The following CHRM5 variants were observed in gnomAD, a reference collection of about 807,000 sequenced individuals.
The protein encoded by CHRM5 is muscarinic acetylcholine receptor M5.
Under a neutral mutation model 39.0 loss-of-function variants are expected in CHRM5, and 18 were observed. The ratio of observed to expected loss-of-function variants is 0.46; its 90% CI spans 0.32 to 0.68. The LOEUF (loss-of-function observed/expected upper bound fraction) is 0.68. Among genes scored for constraint, CHRM5 ranks in the 30% least tolerant of loss-of-function variants. The pLI is 0.04. For synonymous variants in CHRM5, 241 were observed against 246.3 expected, an observed-to-expected ratio of 0.98 and a Z score of 0.20; for missense variants, 515 against 651.1, an observed-to-expected ratio of 0.79 and a Z score of 2.28.
chr15:34,033,604 G>A (rs904762254), intron 1 of CHRM5, among the ~76,000 whole-genome samples: 11 of 152,068 alleles, frequency 7.2e-5, no homozygotes, highest in African/African-American at 2.2e-4. Context: ...AGCCTGTAGA[G>A]TTATATAACA....
intron 1 of CHRM5, among the ~76,000 whole-genome samples, chr15:34,020,441 T>G (rs1898155060): frequency 6.6e-6 from 1 of 152,282 alleles, no homozygotes; most frequent in South Asian, 2.1e-4. Flanking sequence ...GAAATTTGGT[T>G]GAAACAATAC....
intron 1 of CHRM5, among the ~76,000 whole-genome samples, chr15:34,038,580 G>A (rs1197806452): frequency 3.3e-5 from 5 of 150,902 alleles, no homozygotes; most frequent in African/African-American, 1.2e-4. Context: ...AGGAGGCCAC[G>A]AGGGCCAAGC....
intron 1 of CHRM5, among the ~76,000 whole-genome samples, chr15:34,042,894 T>C (rs1277612050): frequency 6.6e-6 from 1 of 152,134 alleles, no homozygotes; most frequent in South Asian, 2.1e-4. Context: ...CCTCAACTAC[T>C]GTGTCAAGGT....
Position 33,994,623 on chromosome 15 carries a change from T to A in CHRM5, c.-408+25473T>A, listed in dbSNP as rs1029671605. ...GGGTGAAAGTGCTAGATCTTCAGTT[T>A]TATCAGAAAATGGCAAACTATCTTC... is the stretch of plus-strand genomic sequence containing the variant. On this transcript the variant is annotated intron_variant, in intron 1 of 2. Coordinates refer to ENST00000383263, the MANE Select transcript of CHRM5 (RefSeq NM_012125.4). Among the ~76,000 whole-genome samples, 6 of 152,198 alleles carry A rather than the reference T, an allele frequency of 3.9e-5. No individual in the cohort carries two copies. In the South Asian group the frequency reaches 8.3e-4, roughly 21 times the overall value.
chr15:34,032,927 T>C (rs1228827788), intron 1 of CHRM5, among the ~76,000 whole-genome samples: 1 of 152,224 alleles, frequency 6.6e-6, no homozygotes, highest in Non-Finnish European at 1.5e-5. Context: ...CCTAATACAG[T>C]CATCACTTGA....
At chr15:33,979,056 G>C (rs974780943) in intron 1 of CHRM5, among the ~76,000 whole-genome samples, 1 of 152,124 alleles carries the variant, frequency 6.6e-6, no homozygotes, top group Admixed American at 6.5e-5. Context: ...TGACATACTT[G>C]AGAATATTCC....
At chr15:33,990,070 G>C (rs192667777) in intron 1 of CHRM5, among the ~76,000 whole-genome samples, 6 of 152,064 alleles carry the variant, frequency 3.9e-5, no homozygotes, top group African/African-American at 4.8e-5. Flanking sequence ...CGGGCGTGGT[G>C]GTGGGCGCCT....
At position 34,065,581 on chromosome 15, in the gene CHRM5, G is replaced by A. The variant is rs910482293; in HGVS notation, c.*1265G>A. 4 of 152,160 alleles carry A rather than the reference G, an allele frequency of 2.6e-5. No homozygotes were observed. The highest frequency in any genetic ancestry group is 9.7e-5 in the African/African-American group (4 of 41,436). The allele number at this position is 152,160 out of a possible 1,614,324, so 9.4% of individuals were successfully genotyped here. On this transcript the variant is annotated 3_prime_UTR_variant, in exon 3 of 3. Coordinates refer to ENST00000383263, the MANE Select transcript of CHRM5 (RefSeq NM_012125.4). ...GCCAGAAAAGCACACTTGAGGGTGC[G>A]ATGAAGCTGAAAATGATCTGAAAGC...
intron 1 of CHRM5, among the ~76,000 whole-genome samples, chr15:34,032,192 A>G (rs527474397): frequency 4.5e-4 from 68 of 152,344 alleles, no homozygotes; most frequent in South Asian, 4.3e-3. Flanking sequence ...AGAAATAGTG[A>G]CATCTGAATA....
chr15:34,032,023 GCACA>G (rs10643932), intron 1 of CHRM5, among the ~76,000 whole-genome samples: 1 of 148,944 alleles, frequency 6.7e-6, no homozygotes, highest in African/African-American at 2.5e-5. Context: ...GCGCGCACAC[GCACA>G]CACACACACA....
chr15:33,974,631 C>G (rs1895796815), intron 1 of CHRM5, among the ~76,000 whole-genome samples: 1 of 152,134 alleles, frequency 6.6e-6, no homozygotes. Flanking sequence ...TGCATGTGTA[C>G]GTCCTCACAG....
intron 1 of CHRM5, among the ~76,000 whole-genome samples, chr15:34,021,664 G>C (rs1274332722): frequency 6.6e-6 from 1 of 152,050 alleles, no homozygotes; most frequent in Non-Finnish European, 1.5e-5. Flanking sequence ...AGACCAGCCT[G>C]GCTAAAATGG....
At position 34,064,190 on chromosome 15, in the gene CHRM5, C is replaced by A; in HGVS notation, c.1473C>A (p.Asn491Lys). ...YWLCYVNSTV[N>K]PICYALCNRT... ...TGTGCTATGTCAATAGCACTGTCAACCCCATCTGCTATGCCCTCTGCAACA... is the reference window on the plus strand; with the variant it reads ...TGTGCTATGTCAATAGCACTGTCAAACCCATCTGCTATGCCCTCTGCAACA... Residue 491 changes from asparagine to lysine, a missense_variant, in exon 3 of 3, where the codon AAC becomes AAA. Transcript: ENST00000383263. 6 of 1,614,158 alleles carry A rather than the reference C, an allele frequency of 3.7e-6. No individual in the cohort carries two copies. Among genetic ancestry groups the A allele is most frequent in the Non-Finnish European group, 5.1e-6 (6 of 1,180,032 alleles).
chr15:34,025,722 T>TTG (rs1050483183), intron 1 of CHRM5, among the ~76,000 whole-genome samples: 2 of 151,910 alleles, frequency 1.3e-5, no homozygotes, highest in Non-Finnish European at 2.9e-5. Flanking sequence ...GAAAAAAAAA[T>TTG]TGTGTGTGTG....
At chr15:33,981,556 T>C (rs899032933) in intron 1 of CHRM5, among the ~76,000 whole-genome samples, 6 of 152,038 alleles carry the variant, frequency 3.9e-5, no homozygotes, top group African/African-American at 1.5e-4. Context: ...TTCTATACAA[T>C]ACACCAAAAG....
intron 1 of CHRM5, among the ~76,000 whole-genome samples, chr15:33,994,452 T>C (rs1234305069): frequency 5.3e-5 from 8 of 152,154 alleles, no homozygotes; most frequent in Admixed American, 4.6e-4. Context: ...GTAATAATAA[T>C]AGAAATAAAG....
intron 1 of CHRM5, among the ~76,000 whole-genome samples, chr15:34,007,454 C>T (rs1275926707): frequency 6.6e-6 from 1 of 152,232 alleles, no homozygotes; most frequent in Non-Finnish European, 1.5e-5. Context: ...ACCAGGCACG[C>T]TTTTCCTCTA....
At chr15:34,052,901 A>G (rs519774) in intron 2 of CHRM5, among the ~76,000 whole-genome samples, 92,337 of 151,988 alleles carry the variant, frequency 0.61, 29,314 homozygotes, top group East Asian at 0.81. Context: ...AATGAATATC[A>G]TGAAAATAGT....
chr15:34,027,780 A>G (rs1396162977), intron 1 of CHRM5, among the ~76,000 whole-genome samples: 1 of 150,286 alleles, frequency 6.7e-6, no homozygotes, highest in Admixed American at 6.6e-5. Context: ...ATCAGCAACA[A>G]GGGTTTAAAA....
Sources: gnomAD v4.1 joint callset for allele counts (sites outside exome capture counted in the v4.1 genomes callset) on GRCh38, gnomAD v4.1.1 for gene constraint, MANE v1.5 for transcripts, NCBI Gene and HGNC (gene_info 2026-07-23, HGNC 2026-07-21) for gene names.